The following TBC1D30 variants were observed in gnomAD, a reference collection of about 807,000 sequenced individuals.
TBC1D30 encodes the protein TBC1 domain family, member 30.
TBC1D30 carries 31 observed loss-of-function variants against 63.2 expected under a neutral mutation model. The ratio of observed to expected loss-of-function variants is 0.49; its 90% CI spans 0.37 to 0.66. The LOEUF is 0.66. TBC1D30 is among the 30% of genes least tolerant of loss of function. TBC1D30 has a pLI of 0.00. For missense variants in TBC1D30, 810 were observed against 953.6 expected (o/e 0.85, Z 1.98); for synonymous variants, 307 against 361.5 (o/e 0.85, Z 1.71).
At chr12:64,780,388 A>G (rs1338068060), upstream of TBC1D30, among the ~76,000 whole-genome samples, 1 of 152,250 alleles carries the variant, frequency 6.6e-6, no homozygotes, top group Non-Finnish European at 1.5e-5. Flanking sequence ...TGGCGGCTGA[A>G]TAAGAGGCAA....
chr12:64,765,765 G>C lies in TBC1D30; in HGVS notation c.-376+6116G>C, dbSNP rs1870688528. Among the ~76,000 whole-genome samples the C allele has an allele frequency of 2.0e-5, 3 of 150,986 alleles. 1 individual carries two copies. The highest frequency in any genetic ancestry group is 2.0e-4 in the Admixed American group (3 of 15,156). On this transcript the variant is annotated intron_variant, in intron 1 of 13. Coordinates refer to the TBC1D30 transcript ENST00000674237. ...AATCCCAGCACTTTGGGAGGCCTAG[G>C]TGGGCAGATGGCTTGAGCCCAGGAG...
At chr12:64,781,664 C>A (rs1342389630) in intron 1 of TBC1D30, among the ~76,000 whole-genome samples, 2 of 150,332 alleles carry the variant, frequency 1.3e-5, no homozygotes, top group Non-Finnish European at 2.9e-5. Context: ...CCGCCAGAAT[C>A]GAGGCGAGTC....
At chr12:64,873,082 C>T (rs1263664475) in intron 11 of TBC1D30, among the ~76,000 whole-genome samples, 1 of 152,092 alleles carries the variant, frequency 6.6e-6, no homozygotes, top group Non-Finnish European at 1.5e-5. Context: ...GGATTAGCAG[C>T]ACAGGTGGAG....
intron 2 of TBC1D30, among the ~76,000 whole-genome samples, chr12:64,807,755 A>T (rs974350454): frequency 6.6e-6 from 1 of 151,776 alleles, no homozygotes; most frequent in Non-Finnish European, 1.5e-5. Context: ...TAATTTTTTA[A>T]ATTTTTTAGA....
intron 5 of TBC1D30, 24 bp downstream of exon 5, chr12:64,832,328 G>T: frequency 6.6e-7 from 1 of 1,523,790 alleles, no homozygotes; most frequent in Non-Finnish European, 8.8e-7. Context: ...TCTGACAAAG[G>T]CCATGGACAT....
chr12:64,791,546 G>T (rs1281535807), intron 2 of TBC1D30, among the ~76,000 whole-genome samples: 3 of 151,980 alleles, frequency 2.0e-5, no homozygotes, highest in Admixed American at 2.0e-4. Context: ...ACAGTGTCTT[G>T]TTGTGTCACC....
At chr12:64,844,514 TG>T (rs1156658962) in intron 8 of TBC1D30, among the ~76,000 whole-genome samples, 3 of 152,252 alleles carry the variant, frequency 2.0e-5, no homozygotes, top group Admixed American at 2.0e-4. Context: ...TTATCCTTTG[TG>T]TTACAGACAA....
In TBC1D30 at chr12:64,824,648, G is replaced by A; in HGVS notation, c.-232G>A. On this transcript the variant is annotated 5_prime_UTR_variant, in exon 1 of 12. Coordinates refer to ENST00000539867, the MANE Select transcript of TBC1D30 (RefSeq NM_015279.2). ...CCGCCTCGAGCGATCTCCTGCCTCA[G>A]CCTTGCAGGCTCCGCACTGCAGATG... 1 of 472,430 alleles carries A rather than the reference G, an allele frequency of 2.1e-6. No homozygotes were observed. The highest frequency in any genetic ancestry group is 3.6e-6 in the Non-Finnish European group (1 of 275,326). The allele number at this position is 472,430 out of a possible 1,614,324, so 29.3% of individuals were successfully genotyped here.
intron 5 of TBC1D30, 129 bp downstream of exon 5, chr12:64,832,433 T>C (rs1247420712): frequency 2.2e-6 from 2 of 894,980 alleles, no homozygotes; most frequent in Non-Finnish European, 3.3e-6. Context: ...TGACCTATGA[T>C]AGCATTTCCT....
chr12:64,779,656 G>A (rs943873573), upstream of TBC1D30, among the ~76,000 whole-genome samples: 1 of 152,096 alleles, frequency 6.6e-6, no homozygotes, highest in Admixed American at 6.5e-5. Flanking sequence ...TGCCCCTTTT[G>A]GAAGTGTGGT....
Position 64,775,042 on chromosome 12 carries a change from G to A in TBC1D30, c.-375-10839G>A, listed in dbSNP as rs907607686. On this transcript the variant is annotated intron_variant, in intron 1 of 13. Transcript: ENST00000674237. ...CAGGAGGCAGAGGTTGCAGTGAGCC[G>A]AGATTGCACCACTGCATTCCAGCCT... is the stretch of plus-strand genomic sequence containing the variant. Among the ~76,000 whole-genome samples the A allele has an allele frequency of 5.3e-5, 8 of 151,566 alleles. No individual in the cohort carries two copies. The South Asian group carries it at 8.3e-4, about 16-fold the overall frequency.
At chr12:64,845,933 G>A (rs1876339059) in intron 8 of TBC1D30, among the ~76,000 whole-genome samples, 3 of 152,080 alleles carry the variant, frequency 2.0e-5, no homozygotes, top group Admixed American at 2.0e-4. Context: ...CAAAATGCTG[G>A]GATTATAGGC....
chr12:64,781,031 A>G (rs1329814195), exon 1 of TBC1D30: 43 of 1,027,178 alleles, frequency 4.2e-5, no homozygotes, highest in Non-Finnish European at 4.1e-5. Flanking sequence ...CGGCGGCCGC[A>G]CAAGCCGCAC....
chr12:64,775,116 TAG>T (rs1191163976), intron 1 of TBC1D30, among the ~76,000 whole-genome samples: 15 of 149,536 alleles, frequency 1.0e-4, no homozygotes, highest in African/African-American at 3.2e-4. Context: ...TATATATATA[TAG>T]ATATAGATAT....
At chr12:64,828,367 T>A (rs1023332662) in intron 2 of TBC1D30, 77 bp from the exon 3 acceptor site, 1 of 1,077,400 alleles carries the variant, frequency 9.3e-7, no homozygotes, top group Admixed American at 2.0e-5. Context: ...TCTATGAATG[T>A]CAAGATGGGA....
chr12:64,814,503 G>T (rs1385672561), intron 2 of TBC1D30, among the ~76,000 whole-genome samples: 1 of 152,086 alleles, frequency 6.6e-6, no homozygotes, highest in Non-Finnish European at 1.5e-5. Flanking sequence ...ATACACTGTG[G>T]GTACTTAGTT....
chr12:64,828,838 G>A (rs1412777366), intron 3 of TBC1D30, among the ~76,000 whole-genome samples: 1 of 152,166 alleles, frequency 6.6e-6, no homozygotes, highest in Admixed American at 6.5e-5. Context: ...GAGAAAAGGG[G>A]TAAGGAGGTG....
At position 64,858,748 on chromosome 12, in the gene TBC1D30, C is replaced by T. The variant is rs553829865; in HGVS notation, c.1039-5920C>T. Among the ~76,000 whole-genome samples the T allele has an allele frequency of 3.7e-4, 56 of 152,318 alleles. No homozygotes were observed. In the Middle Eastern group the frequency reaches 0.01, roughly 28 times the overall value. On this transcript the variant is annotated intron_variant, in intron 8 of 11. Transcript: ENST00000539867. ...TATATTAACTTCTCCAAATATTTAT[C>T]GAGCACCTCTAATGTCAGGTAATGT... is the stretch of plus-strand genomic sequence containing the variant.
exon 1 of TBC1D30, chr12:64,780,807 C>A: frequency 1.0e-6 from 1 of 993,836 alleles, no homozygotes; most frequent in Middle Eastern, 4.8e-4. Context: ...GCGCCGGGGA[C>A]CATGGACGTC....
Sources: gnomAD v4.1 joint callset for allele counts (sites outside exome capture counted in the v4.1 genomes callset) on GRCh38, gnomAD v4.1.1 for gene constraint, MANE v1.5 for transcripts, NCBI Gene and HGNC (gene_info 2026-07-23, HGNC 2026-07-21) for gene names.